MARCHF4: variants seen among roughly 807,000 people sequenced by gnomAD.
MARCHF4 encodes membrane associated ring-CH-type finger 4, also known as E3 ubiquitin-protein ligase MARCHF4.
MARCHF4 carries 14 observed loss-of-function variants against 43.9 expected under a neutral mutation model. That is an observed-to-expected ratio of 0.32 (90% CI 0.21 to 0.50). The LOEUF (loss-of-function observed/expected upper bound fraction) is 0.50. MARCHF4 is among the 20% of genes least tolerant of loss of function. The pLI, the probability that MARCHF4 is intolerant of heterozygous loss-of-function variation, is 0.98. For missense variants in MARCHF4, 468 were observed against 536.7 expected, an observed-to-expected ratio of 0.87 and a Z score of 1.27; for synonymous variants, 226 against 213.3, an observed-to-expected ratio of 1.06 and a Z score of -0.52.
rs1692458557 is a variant in MARCHF4, at chr2:216,354,891, T to TTTTCTTTCTTTCTTTCTTTCTTTCTTCC, written c.516+14853_516+14854insGGAAGAAAGAAAGAAAGAAAGAAAGAAA. On this transcript the variant is annotated intron_variant, in intron 1 of 3. Coordinates refer to ENST00000273067, the MANE Select transcript of MARCHF4 (RefSeq NM_020814.3). ...GTTCATGAAACTTATTTAATAATTG[T>TTTTCTTTCTTTCTTTCTTTCTTTCTTCC]TTTCTTTCTTTCTTTCTTTCTTTCT... 6.2e-4 allele frequency among the ~76,000 whole-genome samples: 54 copies of TTTTCTTTCTTTCTTTCTTTCTTTCTTCC among 86,794 alleles called. 1 individual carries two copies. The highest frequency in any genetic ancestry group is 8.1e-4 in the Non-Finnish European group (35 of 43,352). 56.9% of individuals were successfully genotyped at this position (86,794 alleles called of 152,430 possible). A position where few individuals can be genotyped will look rare whatever the true frequency, so the allele number is the denominator to read the frequency against.
intron 1 of MARCHF4, among the ~76,000 whole-genome samples, chr2:216,363,060 C>T (rs1014117457): frequency 6.6e-6 from 1 of 152,062 alleles, no homozygotes; most frequent in Non-Finnish European, 1.5e-5. Context: ...TGGGCTTTTC[C>T]AGCATACCAG....
chr2:216,308,315 G>C (rs1559095240), intron 1 of MARCHF4, among the ~76,000 whole-genome samples: 2 of 152,026 alleles, frequency 1.3e-5, no homozygotes, highest in Non-Finnish European at 1.5e-5. Context: ...CTGTTCAGAG[G>C]ATGGCTTGAG....
At chr2:216,274,954 C>T (rs555020304) in intron 3 of MARCHF4, among the ~76,000 whole-genome samples, 70 of 152,318 alleles carry the variant, frequency 4.6e-4, no homozygotes, top group African/African-American at 1.7e-3. Context: ...GATCTCACCA[C>T]TTTTGGATGA....
At chr2:216,365,604 C>T (rs370083153) in intron 1 of MARCHF4, among the ~76,000 whole-genome samples, 32 of 152,244 alleles carry the variant, frequency 2.1e-4, no homozygotes, top group African/African-American at 7.5e-4. Flanking sequence ...GTCTTGCAGC[C>T]TAAATCTATT....
chr2:216,308,514 C>T (rs1691627562), intron 1 of MARCHF4, among the ~76,000 whole-genome samples: 1 of 152,218 alleles, frequency 6.6e-6, no homozygotes. Flanking sequence ...GATGATAGGC[C>T]TGTGCAATCC....
chr2:216,289,395 C>T (rs968730707), intron 1 of MARCHF4, among the ~76,000 whole-genome samples: 2 of 152,198 alleles, frequency 1.3e-5, no homozygotes, highest in African/African-American at 2.4e-5. Context: ...ATGATACACA[C>T]TGCATACCCT....
chr2:216,335,911 T>G (rs1692150324), intron 1 of MARCHF4, among the ~76,000 whole-genome samples: 1 of 151,626 alleles, frequency 6.6e-6, no homozygotes, highest in Non-Finnish European at 1.5e-5. Flanking sequence ...CTACTAAAAA[T>G]ACAAAAATTA....
chr2:216,271,982 T>TTA (rs1301166667), intron 3 of MARCHF4, among the ~76,000 whole-genome samples: 2 of 107,458 alleles, frequency 1.9e-5, no homozygotes, highest in African/African-American at 6.0e-5. Context: ...TTTTTTTTTT[T>TTA]AGAGATCTCT....
chr2:216,269,235 T>TA (rs1690895434), intron 3 of MARCHF4, among the ~76,000 whole-genome samples: 1 of 152,162 alleles, frequency 6.6e-6, no homozygotes, highest in South Asian at 2.1e-4. Flanking sequence ...TCTGTGGAGT[T>TA]AAAAAAATGT....
At chr2:216,268,003 G>A (rs1055458776) in intron 3 of MARCHF4, among the ~76,000 whole-genome samples, 9 of 152,186 alleles carry the variant, frequency 5.9e-5, no homozygotes, top group African/African-American at 1.4e-4. Flanking sequence ...GAGTTAACAC[G>A]GAATCTAGAA....
intron 1 of MARCHF4, among the ~76,000 whole-genome samples, chr2:216,333,511 C>A (rs1692112453): frequency 6.6e-6 from 1 of 152,208 alleles, no homozygotes; most frequent in Non-Finnish European, 1.5e-5. Flanking sequence ...GCTGTGGAGA[C>A]TCTTCATTGC....
chr2:216,307,430 A>T (rs1009364332), intron 1 of MARCHF4, among the ~76,000 whole-genome samples: 2 of 152,078 alleles, frequency 1.3e-5, no homozygotes, highest in Admixed American at 1.3e-4. Flanking sequence ...GCTAGGCATT[A>T]GTTCTGTGGA....
intron 1 of MARCHF4, among the ~76,000 whole-genome samples, chr2:216,354,963 CTTTCTTTCT>C (rs1692474157): frequency 2.3e-5 from 3 of 129,032 alleles, no homozygotes; most frequent in Admixed American, 7.9e-5. Flanking sequence ...TTCTTTCTTT[CTTTCTTTCT>C]TTCTTTCTTT....
chr2:216,357,792 T>C (rs1342468665), intron 1 of MARCHF4, among the ~76,000 whole-genome samples: 1 of 152,228 alleles, frequency 6.6e-6, no homozygotes, highest in Non-Finnish European at 1.5e-5. Context: ...CAAGCTACAG[T>C]AAATTGAAGG....
intron 1 of MARCHF4, among the ~76,000 whole-genome samples, chr2:216,345,360 T>TA (rs1692303387): frequency 6.6e-6 from 1 of 150,992 alleles, no homozygotes; most frequent in South Asian, 2.1e-4. Context: ...TTTTTTTTTT[T>TA]AAGAATCTTG....
At chr2:216,284,243 G>T (rs1014414816) in intron 1 of MARCHF4, among the ~76,000 whole-genome samples, 13 of 151,302 alleles carry the variant, frequency 8.6e-5, no homozygotes, top group African/African-American at 3.2e-4. Context: ...TTGGACAAAT[G>T]CCCTCACTGA....
intron 1 of MARCHF4, among the ~76,000 whole-genome samples, chr2:216,357,749 C>T (rs1574487478): frequency 6.6e-6 from 1 of 152,172 alleles, no homozygotes; most frequent in East Asian, 1.9e-4. Flanking sequence ...TGTAGTTATA[C>T]TTCAAGTATC....
chr2:216,350,384 C>G (rs965912076), intron 1 of MARCHF4, among the ~76,000 whole-genome samples: 2 of 149,700 alleles, frequency 1.3e-5, no homozygotes, highest in African/African-American at 4.9e-5. Flanking sequence ...TATGCCACAT[C>G]CCTCACCATG....
intron 1 of MARCHF4, among the ~76,000 whole-genome samples, chr2:216,286,167 G>A (rs958174657): frequency 4.6e-5 from 7 of 152,292 alleles, no homozygotes; most frequent in South Asian, 2.1e-4. Flanking sequence ...CCCCTCCAGC[G>A]AACCATTCAT....
Sources: allele counts gnomAD v4.1 joint callset (sites outside exome capture counted in the v4.1 genomes callset), GRCh38; gene constraint gnomAD v4.1.1; transcripts MANE v1.5; gene names NCBI Gene and HGNC (gene_info 2026-07-23, HGNC 2026-07-21).